The following CEP63 variants were observed in gnomAD, a reference collection of about 807,000 sequenced individuals.
CEP63 encodes the protein centrosomal protein 63.
A neutral mutation model predicts 89.1 loss-of-function variants in CEP63; 84 were observed. The ratio of observed to expected loss-of-function variants is 0.94; its 90% confidence interval spans 0.79 to 1.13. CEP63 has a LOEUF of 1.13. CEP63 is among the 50% of genes most tolerant of loss of function. The pLI is 0.00. For synonymous variants in CEP63, 267 were observed against 272.5 expected, an observed-to-expected ratio of 0.98 and a Z score of 0.20; for missense variants, 838 against 813.3, an observed-to-expected ratio of 1.03 and a Z score of -0.37.
the CEP63 span, among the ~76,000 whole-genome samples, chr3:134,696,621 A>G: frequency 8.5e-5 from 13 of 152,298 alleles, no homozygotes; most frequent in Middle Eastern, 3.4e-3. Context: ...AGTACCATCA[A>G]CTAAGCATTG....
At chr3:134,749,931 G>A in the CEP63 span, among the ~76,000 whole-genome samples, 3 of 152,004 alleles carry the variant, frequency 2.0e-5, no homozygotes, top group Admixed American at 6.6e-5. Flanking sequence ...GGGTGTGAGC[G>A]CCCAGGGTTG....
chr3:134,681,427 G>T, the CEP63 span, among the ~76,000 whole-genome samples: 3 of 152,152 alleles, frequency 2.0e-5, no homozygotes, highest in Non-Finnish European at 4.4e-5. Context: ...GGCCCATAAG[G>T]AGGCATCGTG....
At chr3:134,707,925 A>T in the CEP63 span, among the ~76,000 whole-genome samples, 2 of 152,042 alleles carry the variant, frequency 1.3e-5, no homozygotes, top group East Asian at 3.9e-4. Flanking sequence ...GGGAGGGTTC[A>T]TCTGGCCACA....
At chr3:134,498,000 G>A (rs1382848623) in intron 2 of CEP63, among the ~76,000 whole-genome samples, 1 of 152,114 alleles carries the variant, frequency 6.6e-6, no homozygotes, top group African/African-American at 2.4e-5. Context: ...GTCAGGTAGT[G>A]TGATACCTCC....
chr3:134,705,284 G>A, the CEP63 span, among the ~76,000 whole-genome samples: 1 of 152,294 alleles, frequency 6.6e-6, no homozygotes, highest in South Asian at 2.1e-4. Flanking sequence ...ATAACATGGT[G>A]GAGAAAGTCA....
the CEP63 span, chr3:134,651,579 T>C: frequency 4.0e-6 from 4 of 990,330 alleles, no homozygotes; most frequent in Non-Finnish European, 3.6e-6. Context: ...CAGCTCTCTC[T>C]CCCTAGGAGG....
chr3:134,657,903 A>T, the CEP63 span, among the ~76,000 whole-genome samples: 1,908 of 151,958 alleles, frequency 0.013, 35 homozygotes, highest in African/African-American at 0.042. Flanking sequence ...TATTTTATTT[A>T]TTTATTTTTT....
intron 11 of CEP63, among the ~76,000 whole-genome samples, chr3:134,572,664 C>T (rs1958061469): frequency 6.6e-6 from 1 of 152,150 alleles, no homozygotes; most frequent in Non-Finnish European, 1.5e-5. Flanking sequence ...TATTGATGGG[C>T]ACCTGGGTTG....
chr3:134,513,816 A>C (rs1312032677), intron 3 of CEP63, among the ~76,000 whole-genome samples: 1 of 152,178 alleles, frequency 6.6e-6, no homozygotes, highest in African/African-American at 2.4e-5. Context: ...AGTTAAACTT[A>C]AGAGTGCTAC....
At chr3:134,578,340 T>G (rs1376033022), downstream of CEP63, among the ~76,000 whole-genome samples, 3 of 146,458 alleles carry the variant, frequency 2.0e-5, no homozygotes, top group Non-Finnish European at 3.0e-5. Context: ...TTTTTTTTTT[T>G]TTTTTTTGAG....
the CEP63 span, among the ~76,000 whole-genome samples, chr3:134,622,457 C>T: frequency 6.6e-6 from 1 of 152,064 alleles, no homozygotes; most frequent in Admixed American, 6.5e-5. Context: ...TGACATAAGC[C>T]AGACACAAAA....
chr3:134,589,189 C>T (rs921120092), downstream of CEP63, among the ~76,000 whole-genome samples: 1 of 152,182 alleles, frequency 6.6e-6, no homozygotes, highest in Non-Finnish European at 1.5e-5. Context: ...AAATAATTCT[C>T]TTCTCATTTT....
At chr3:134,751,478 T>C in the CEP63 span, among the ~76,000 whole-genome samples, 2 of 152,168 alleles carry the variant, frequency 1.3e-5, no homozygotes, top group African/African-American at 4.8e-5. Context: ...CCGACCCCAC[T>C]AGACTTCCCA....
chr3:134,688,725 C>T, the CEP63 span, among the ~76,000 whole-genome samples: 1 of 152,146 alleles, frequency 6.6e-6, no homozygotes, highest in African/African-American at 2.4e-5. Flanking sequence ...ACAGGAACCT[C>T]AGAGACTCCT....
At chr3:134,620,725 C>T in the CEP63 span, 1 of 1,562,978 alleles carries the variant, frequency 6.4e-7, no homozygotes, top group Non-Finnish European at 8.8e-7. Context: ...ATTCTAGAGC[C>T]AGAAATTCCA....
At chr3:134,581,751 C>G (rs1358111720) in intron 10 of CEP63, among the ~76,000 whole-genome samples, 1 of 136,708 alleles carries the variant, frequency 7.3e-6, no homozygotes, top group East Asian at 2.2e-4. Flanking sequence ...TCTCGGCTCA[C>G]TGCAAGCTCC....
chr3:134,745,026 G>T, the CEP63 span, among the ~76,000 whole-genome samples: 1 of 152,122 alleles, frequency 6.6e-6, no homozygotes, highest in African/African-American at 2.4e-5. Context: ...CACAATCAAG[G>T]TAGTGAACAT....
At chr3:134,608,532 C>T in the CEP63 span, 35 of 1,596,390 alleles carry the variant, frequency 2.2e-5, no homozygotes, top group Middle Eastern at 1.7e-4. Flanking sequence ...GCTAAGCTCA[C>T]AAGCCATGCG....
downstream of CEP63, among the ~76,000 whole-genome samples, chr3:134,590,249 A>C (rs1322402812): frequency 6.6e-6 from 1 of 152,200 alleles, no homozygotes; most frequent in African/African-American, 2.4e-5. Flanking sequence ...CAGAAGTTGA[A>C]AAAAATAATT....
Sources: gnomAD v4.1 joint callset for allele counts (sites outside exome capture counted in the v4.1 genomes callset) on GRCh38, gnomAD v4.1.1 for gene constraint, MANE v1.5 for transcripts, NCBI Gene and HGNC (gene_info 2026-07-23, HGNC 2026-07-21) for gene names.